The following TMEM132D variants were observed in gnomAD, a reference collection of about 807,000 sequenced individuals.
TMEM132D encodes mature OL transmembrane protein.
In TMEM132D, 21 loss-of-function variants were observed where a neutral mutation model predicts 62.3. The observed-to-expected ratio is 0.34, with a 90% CI of 0.24 to 0.49. TMEM132D has a LOEUF of 0.49. Ranked by LOEUF, TMEM132D falls within the 20% of genes least tolerant of loss-of-function variation. The probability of loss-of-function intolerance (pLI) is 0.99; values close to 1 mark genes in which losing one functional copy is unlikely to be tolerated. For missense variants in TMEM132D, 1,346 were observed against 1,402.8 expected, an observed-to-expected ratio of 0.96 and a Z score of 0.65; for synonymous variants, 621 against 575.6, an observed-to-expected ratio of 1.08 and a Z score of -1.13.
At chr12:129,831,365 G>T (rs184646212) in intron 1 of TMEM132D, among the ~76,000 whole-genome samples, 4 of 152,318 alleles carry the variant, frequency 2.6e-5, no homozygotes, top group African/African-American at 7.2e-5. Context: ...ACGCAAATGC[G>T]ATTGCGTGTG....
chr12:129,410,746 T>C (rs895041078), intron 3 of TMEM132D, among the ~76,000 whole-genome samples: 3 of 152,170 alleles, frequency 2.0e-5, no homozygotes, highest in African/African-American at 7.2e-5. Flanking sequence ...AATTTATATA[T>C]TTTTTTAACT....
chr12:129,108,790 A>G (rs1022742657), intron 5 of TMEM132D, among the ~76,000 whole-genome samples: 2 of 152,222 alleles, frequency 1.3e-5, no homozygotes, highest in African/African-American at 2.4e-5. Context: ...AGACTTTATT[A>G]TGAAAAATGT....
At chr12:129,604,644 G>C (rs1175687276) in intron 2 of TMEM132D, among the ~76,000 whole-genome samples, 1 of 152,160 alleles carries the variant, frequency 6.6e-6, no homozygotes, top group Non-Finnish European at 1.5e-5. Context: ...AAGAAAAGAT[G>C]CTTTCAAATC....
At chr12:129,263,077 G>A (rs546698592) in intron 4 of TMEM132D, among the ~76,000 whole-genome samples, 12 of 152,230 alleles carry the variant, frequency 7.9e-5, no homozygotes, top group African/African-American at 1.9e-4. Flanking sequence ...CAGGGTTACC[G>A]TGGGCTGGCT....
intron 2 of TMEM132D, among the ~76,000 whole-genome samples, chr12:129,537,146 T>A (rs1285132965): frequency 1.0e-5 from 1 of 99,472 alleles, no homozygotes; most frequent in Non-Finnish European, 1.9e-5. Context: ...GGTGACAGAG[T>A]GAAACTCTGT....
chr12:129,352,665 C>A (rs1436227236), intron 3 of TMEM132D, among the ~76,000 whole-genome samples: 2 of 152,132 alleles, frequency 1.3e-5, no homozygotes, highest in Non-Finnish European at 2.9e-5. Context: ...AAAAAAAGCT[C>A]ATCATCACTG....
At chr12:129,854,760 T>G (rs1873664295) in intron 1 of TMEM132D, 1 of 152,210 alleles carries the variant, frequency 6.6e-6, no homozygotes, top group Non-Finnish European at 1.5e-5. Flanking sequence ...GATATGGAAA[T>G]GAGACACAGT....
rs554695463 is a variant in TMEM132D at position 129,611,441 on chromosome 12, T to C, written c.969-80236A>G. Reference sequence around the variant, plus strand: ...TCCTTTTGCTGTGATCCTCCTTGTCTACAACTGAAATGGGGGTTGTGGATA... The same window carrying C: ...TCCTTTTGCTGTGATCCTCCTTGTCCACAACTGAAATGGGGGTTGTGGATA... On this transcript the variant is annotated intron_variant, in intron 2 of 8. Coordinates refer to ENST00000422113, the MANE Select transcript of TMEM132D (RefSeq NM_133448.3). Among the ~76,000 whole-genome samples, 36 of 152,362 alleles carry C rather than the reference T, an allele frequency of 2.4e-4. No individual in the cohort carries two copies. In the East Asian group the frequency reaches 6.6e-3, roughly 28 times the overall value.
intron 4 of TMEM132D, among the ~76,000 whole-genome samples, chr12:129,301,217 G>A (rs577191879): frequency 6.6e-6 from 1 of 152,276 alleles, no homozygotes; most frequent in South Asian, 2.1e-4. Flanking sequence ...TCCTGGTTGT[G>A]CTGTCCTGTT....
chr12:129,396,126 A>C (rs1338276976), intron 3 of TMEM132D, among the ~76,000 whole-genome samples: 1 of 150,824 alleles, frequency 6.6e-6, no homozygotes, highest in East Asian at 1.9e-4. Flanking sequence ...AATAAATCTC[A>C]AAACCAAATT....
intron 5 of TMEM132D, among the ~76,000 whole-genome samples, chr12:129,195,456 T>C (rs1593292490): frequency 6.6e-6 from 1 of 151,698 alleles, no homozygotes; most frequent in African/African-American, 2.4e-5. Flanking sequence ...TAATGTGATG[T>C]GGCCCATATT....
chr12:129,432,121 A>ACGT (rs1337910624), intron 3 of TMEM132D, among the ~76,000 whole-genome samples: 1 of 133,814 alleles, frequency 7.5e-6, no homozygotes, highest in Non-Finnish European at 1.6e-5. Context: ...ATGGATGGAT[A>ACGT]GGTGGATGGA....
intron 2 of TMEM132D, among the ~76,000 whole-genome samples, chr12:129,615,170 G>A (rs1878880344): frequency 6.6e-6 from 1 of 152,124 alleles, no homozygotes; most frequent in Admixed American, 6.5e-5. Context: ...GTCTGGAAAT[G>A]ATACACTGAA....
chr12:129,233,779 A>C (rs1879709488), intron 4 of TMEM132D, among the ~76,000 whole-genome samples: 1 of 152,098 alleles, frequency 6.6e-6, no homozygotes, highest in Non-Finnish European at 1.5e-5. Context: ...GGCACCTGCC[A>C]CCACGCCCGG....
chr12:129,358,494 G>C (rs1192194200), intron 3 of TMEM132D, among the ~76,000 whole-genome samples: 1 of 152,160 alleles, frequency 6.6e-6, no homozygotes, highest in Non-Finnish European at 1.5e-5. Flanking sequence ...TTTATACTAT[G>C]AAAATTGGCA....
chr12:129,451,666 C>T (rs536607408), intron 3 of TMEM132D, among the ~76,000 whole-genome samples: 1 of 152,202 alleles, frequency 6.6e-6, no homozygotes, highest in African/African-American at 2.4e-5. Context: ...GAGGCATGCC[C>T]AAATTGACGT....
chr12:129,291,311 C>A (rs925900077), intron 4 of TMEM132D, among the ~76,000 whole-genome samples: 1 of 152,300 alleles, frequency 6.6e-6, no homozygotes, highest in African/African-American at 2.4e-5. Context: ...TTTCTAGAGG[C>A]AGCTTGTAGG....
chr12:129,225,141 C>T (rs867133944), intron 4 of TMEM132D, among the ~76,000 whole-genome samples: 32 of 152,106 alleles, frequency 2.1e-4, no homozygotes, highest in Non-Finnish European at 4.0e-4. Flanking sequence ...TTCTCATCTG[C>T]GAAATCGGGA....
chr12:129,775,849 TTATC>T (rs1321646324), intron 1 of TMEM132D, among the ~76,000 whole-genome samples: 1 of 152,190 alleles, frequency 6.6e-6, no homozygotes, highest in Non-Finnish European at 1.5e-5. Flanking sequence ...GAAAATATAA[TTATC>T]TATTCATTGA....
Sources: allele counts gnomAD v4.1 joint callset (sites outside exome capture counted in the v4.1 genomes callset), GRCh38; gene constraint gnomAD v4.1.1; transcripts MANE v1.5; gene names NCBI Gene and HGNC (gene_info 2026-07-23, HGNC 2026-07-21).